The following CMIP variants were observed in gnomAD, a reference collection of about 807,000 sequenced individuals.
CMIP encodes c-Maf inducing protein.
In CMIP, 13 loss-of-function variants were observed where a neutral mutation model predicts 97.3. The observed-to-expected ratio is 0.13, with a 90% CI of 0.09 to 0.21. The LOEUF is 0.21. Among genes scored for constraint, CMIP ranks in the 10% least tolerant of loss-of-function variants. The pLI, the probability that CMIP is intolerant of heterozygous loss-of-function variation, is 1.00. For missense variants in CMIP, 847 were observed against 1,024.9 expected (o/e 0.83, Z 2.37); for synonymous variants, 538 against 436.3 (o/e 1.23, Z -2.91).
At chr16:81,499,784 G>A (rs925326975) in intron 1 of CMIP, among the ~76,000 whole-genome samples, 12 of 152,240 alleles carry the variant, frequency 7.9e-5, no homozygotes, top group Non-Finnish European at 2.9e-5. Flanking sequence ...ATCTGAAACA[G>A]TTTTGGGGGC....
chr16:81,682,695 T>C lies in CMIP; in HGVS notation c.1388+4067T>C, dbSNP rs372008606. ...GGAGAGGGCAGTGCAGGTCGCAGGG[T>C]GCACAGGTCAGTGTTTCCCGCTCCA... On this transcript the variant is annotated intron_variant, in intron 10 of 20. Coordinates refer to ENST00000537098, the MANE Select transcript of CMIP (RefSeq NM_198390.3). Among the ~76,000 whole-genome samples the C allele has an allele frequency of 1.3e-4, 20 of 152,142 alleles. 1 individual carries two copies. The highest frequency in any genetic ancestry group is 6.5e-4 in the Admixed American group (10 of 15,296).
chr16:81,696,727 C>G, intron 14 of CMIP, 60 bp downstream of exon 14: 5 of 1,495,030 alleles, frequency 3.3e-6, no homozygotes, highest in Non-Finnish European at 4.5e-6. Flanking sequence ...CCATGCCTGA[C>G]TAGTAAAACA....
At chr16:81,661,003 A>G in intron 6 of CMIP, 57 bp downstream of exon 6, 1 of 1,606,684 alleles carries the variant, frequency 6.2e-7, no homozygotes, top group East Asian at 2.2e-5. Flanking sequence ...CTCTGTGCGC[A>G]TACCAGGGAT....
intron 1 of CMIP, chr16:81,495,643 C>A: frequency 1.3e-6 from 1 of 763,212 alleles, no homozygotes; most frequent in Non-Finnish European, 2.1e-6. Context: ...AGACCCCAGG[C>A]CCCTTCTCTT....
At chr16:81,503,753 G>A (rs2089654723) in intron 1 of CMIP, among the ~76,000 whole-genome samples, 1 of 152,218 alleles carries the variant, frequency 6.6e-6, no homozygotes, top group Non-Finnish European at 1.5e-5. Flanking sequence ...ATGTCTAGAA[G>A]TGAATTCTGA....
chr16:81,584,146 A>G (rs2091342338), intron 1 of CMIP, among the ~76,000 whole-genome samples: 1 of 152,214 alleles, frequency 6.6e-6, no homozygotes, highest in South Asian at 2.1e-4. Flanking sequence ...GGTTGCCACA[A>G]GCCAGGCCTG....
At chr16:81,527,006 T>G (rs2090145402) in intron 1 of CMIP, among the ~76,000 whole-genome samples, 2 of 152,180 alleles carry the variant, frequency 1.3e-5, no homozygotes, top group African/African-American at 2.4e-5. Flanking sequence ...AGCTTTGCAG[T>G]TTGGGGCCTG....
In CMIP at chr16:81,677,857, AGACTGCAG is replaced by A. The variant is rs1160318155; in HGVS notation, c.1035-415_1035-408del. On this transcript the variant is annotated intron_variant, in intron 9 of 20. Coordinates refer to ENST00000537098, the MANE Select transcript of CMIP (RefSeq NM_198390.3). ...TGAGGTCAGGGATTGGAGGGCAGTT[AGACTGCAG>A]GAAGCTACTAAAAGCAAAACAGTAG... Among the ~76,000 whole-genome samples the A allele has an allele frequency of 2.5e-4, 38 of 152,340 alleles. No homozygotes were observed. In the East Asian group the frequency reaches 7.1e-3, roughly 29 times the overall value.
In CMIP at chr16:81,471,412, A is replaced by ACT. The variant is rs1440620475; in HGVS notation, c.300+25872_300+25873insTC. Among the ~76,000 whole-genome samples, 274 of 139,810 alleles carry ACT rather than the reference A, an allele frequency of 2.0e-3. 1 individual carries two copies. Among genetic ancestry groups the ACT allele is most frequent in the African/African-American group, 6.3e-3 (255 of 40,232 alleles). The allele number at this position is 139,810 out of a possible 152,430, so 91.7% of individuals were successfully genotyped here. ...TGCATATACACGTACAAATGCATAC[A>ACT]CACATACATGTACATGCACATACAT... On this transcript the variant is annotated intron_variant, in intron 1 of 20. Coordinates refer to ENST00000537098, the MANE Select transcript of CMIP (RefSeq NM_198390.3).
At chr16:81,661,471 CTGTTT>C (rs1245744441) in intron 6 of CMIP, among the ~76,000 whole-genome samples, 1 of 152,234 alleles carries the variant, frequency 6.6e-6, no homozygotes, top group East Asian at 1.9e-4. Context: ...TCACACAAAC[CTGTTT>C]TGTTCTTTGC....
At chr16:81,450,947 T>A (rs1406767663) in intron 1 of CMIP, among the ~76,000 whole-genome samples, 1 of 152,212 alleles carries the variant, frequency 6.6e-6, no homozygotes, top group Non-Finnish European at 1.5e-5. Flanking sequence ...CTGTCTACCG[T>A]GGTTCTTCAC....
chr16:81,701,903 C>A, intron 16 of CMIP, 103 bp downstream of exon 16: 1 of 1,412,144 alleles, frequency 7.1e-7, no homozygotes, highest in Non-Finnish European at 9.8e-7. Flanking sequence ...GGACCTCAAT[C>A]TCGTTGAATT....
chr16:81,677,005 C>G (rs916776931), intron 9 of CMIP, among the ~76,000 whole-genome samples: 1 of 152,210 alleles, frequency 6.6e-6, no homozygotes, highest in Non-Finnish European at 1.5e-5. Flanking sequence ...TGACCACACA[C>G]GAGGAGCCTT....
intron 15 of CMIP, 108 bp downstream of exon 15, chr16:81,699,909 G>T (rs1907202682): frequency 2.8e-6 from 2 of 719,530 alleles, no homozygotes; most frequent in Admixed American, 2.3e-5. Flanking sequence ...ACGGGGGGCA[G>T]TGGGTGAGGC....
intron 1 of CMIP, among the ~76,000 whole-genome samples, chr16:81,471,158 C>A (rs984155559): frequency 6.6e-6 from 1 of 152,188 alleles, no homozygotes; most frequent in African/African-American, 2.4e-5. Flanking sequence ...TGTACATATA[C>A]ACGTATACAC....
chr16:81,508,126 A>G (rs1372838053), intron 1 of CMIP, among the ~76,000 whole-genome samples: 1 of 152,212 alleles, frequency 6.6e-6, no homozygotes, highest in Non-Finnish European at 1.5e-5. Context: ...TACATCCTCT[A>G]CTTTATATTA....
At chr16:81,706,024 G>A (rs1908100162) in intron 19 of CMIP, among the ~76,000 whole-genome samples, 1 of 152,198 alleles carries the variant, frequency 6.6e-6, no homozygotes, top group South Asian at 2.1e-4. Context: ...GACACCGTAC[G>A]GTAAGCAGAT....
chr16:81,625,746 C>G (rs1382507834), intron 3 of CMIP, among the ~76,000 whole-genome samples: 3 of 152,216 alleles, frequency 2.0e-5, no homozygotes, highest in African/African-American at 7.2e-5. Flanking sequence ...CCTAGAGGAG[C>G]CCCGAGAAGC....
chr16:81,487,181 G>A (rs1372755817), intron 1 of CMIP, among the ~76,000 whole-genome samples: 2 of 152,322 alleles, frequency 1.3e-5, no homozygotes, highest in East Asian at 3.9e-4. Flanking sequence ...GGGGGTGTGG[G>A]GGCTACTTTG....
Sources: gnomAD v4.1 joint callset for allele counts (sites outside exome capture counted in the v4.1 genomes callset) on GRCh38, gnomAD v4.1.1 for gene constraint, MANE v1.5 for transcripts, NCBI Gene and HGNC (gene_info 2026-07-23, HGNC 2026-07-21) for gene names.